COL13A1: variants seen among roughly 807,000 people sequenced by gnomAD.
COL13A1 encodes the protein collagen alpha-1(XIII) chain.
Under a neutral mutation model 130.9 loss-of-function variants are expected in COL13A1, and 89 were observed. The ratio of observed to expected loss-of-function variants is 0.68; its 90% confidence interval spans 0.57 to 0.81. COL13A1 has a LOEUF of 0.81. Ranked by LOEUF, COL13A1 falls within the 30% of genes least tolerant of loss-of-function variation. The probability of loss-of-function intolerance (pLI) is 0.00; values close to 1 mark genes in which losing one functional copy is unlikely to be tolerated. For missense variants in COL13A1, 879 were observed against 934.6 expected, an observed-to-expected ratio of 0.94 and a Z score of 0.78; for synonymous variants, 402 against 341.6, an observed-to-expected ratio of 1.18 and a Z score of -1.95.
chr10:69,866,802 G>T lies in COL13A1; in HGVS notation c.365-996G>T, dbSNP rs372421095. Among the ~76,000 whole-genome samples the T allele has an allele frequency of 1.7e-4, 26 of 152,254 alleles. No individual in the cohort carries two copies. The East Asian group carries it at 4.1e-3, about 24-fold the overall frequency. On this transcript the variant is annotated intron_variant, in intron 2 of 40. Transcript: ENST00000645393. ...AGATAAAGGAGGAGAGAAGGAAGCC[G>T]GCTCTGGGAATGGGAGGAGCACGGG...
chr10:69,937,002 G>A (rs760109904), intron 33 of COL13A1, among the ~76,000 whole-genome samples: 2 of 152,208 alleles, frequency 1.3e-5, no homozygotes, highest in Non-Finnish European at 2.9e-5. Flanking sequence ...ACCCCACAAA[G>A]GGACAGGTTA....
At chr10:69,852,698 G>A (rs1385996426) in intron 2 of COL13A1, among the ~76,000 whole-genome samples, 2 of 152,240 alleles carry the variant, frequency 1.3e-5, no homozygotes, top group African/African-American at 4.8e-5. Flanking sequence ...TGGGCTGGGG[G>A]CAAGTACAAG....
intron 20 of COL13A1, 37 bp from the exon 21 acceptor site, chr10:69,919,627 CA>C: frequency 2.5e-6 from 1 of 398,818 alleles, no homozygotes; most frequent in Non-Finnish European, 4.4e-6. Flanking sequence ...CTGCCTGCCC[CA>C]TCTTCTTATC....
chr10:69,933,924 T>C (rs921694292), intron 31 of COL13A1, among the ~76,000 whole-genome samples: 2 of 152,150 alleles, frequency 1.3e-5, no homozygotes, highest in African/African-American at 4.8e-5. Flanking sequence ...CACAGCACCG[T>C]TACCAGGAAG....
intron 1 of COL13A1, among the ~76,000 whole-genome samples, chr10:69,821,607 A>C (rs913558426): frequency 6.6e-6 from 1 of 152,220 alleles, no homozygotes; most frequent in Non-Finnish European, 1.5e-5. Context: ...GGCTCTAGAA[A>C]TATCCCTGTT....
intron 1 of COL13A1, among the ~76,000 whole-genome samples, chr10:69,818,744 T>C (rs993710272): frequency 6.6e-6 from 1 of 152,188 alleles, no homozygotes; most frequent in Non-Finnish European, 1.5e-5. Context: ...ATGGTCCAGC[T>C]CAAGCAGAGA....
chr10:69,930,097 G>A lies in COL13A1; in HGVS notation c.1530+10G>A, dbSNP rs564740434. ...ACACGATGGGGAAAAGGTATGAACA[G>A]ACGTCCTCTGGTCAAACCTCTGAAG... On this transcript the variant is annotated intron_variant, in intron 29 of 40. Coordinates refer to ENST00000645393, the MANE Select transcript of COL13A1 (RefSeq NM_001368882.1). 1.2e-6 allele frequency: 2 copies of A among 1,613,740 alleles called. No homozygotes were observed. Among genetic ancestry groups the A allele is most frequent in the East Asian group, 4.5e-5 (2 of 44,864 alleles).
chr10:69,817,665 G>C (rs919348858), intron 1 of COL13A1, among the ~76,000 whole-genome samples: 2 of 152,088 alleles, frequency 1.3e-5, no homozygotes, highest in African/African-American at 2.4e-5. Flanking sequence ...AGTGAACAGG[G>C]CGGGTGTCAA....
In COL13A1 at chr10:69,952,883, G is replaced by A. The variant is rs768782839; in HGVS notation, c.2060G>A (p.Gly687Glu). ...CTCGGACTAAACCATTATTTACAGG[G>A]GGAGAGGGGGAAGAAAGGCTCTAGA... The part of the protein sequence containing the change: ...HGPPGDKGNR[G>E]ERGKKGSRGP... Residue 687 changes from glycine to glutamate, a missense_variant and splice_region_variant, in exon 39 of 41, where the codon GGG becomes GAG. Gly to Glu is a moderately conservative substitution (Grantham distance 98, BLOSUM62 -2). Coordinates refer to ENST00000645393, the MANE Select transcript of COL13A1 (RefSeq NM_001368882.1). 1.3e-6 allele frequency: 2 copies of A among 1,550,300 alleles called. No individual in the cohort carries two copies. The highest frequency in any genetic ancestry group is 2.5e-5 in the East Asian group (1 of 40,454).
At chr10:69,903,016 A>G (rs1245454716) in intron 15 of COL13A1, among the ~76,000 whole-genome samples, 161 bp downstream of exon 15, 3 of 152,094 alleles carry the variant, frequency 2.0e-5, no homozygotes, top group African/African-American at 7.2e-5. Context: ...TCCCCATCAC[A>G]CTCACCACCT....
chr10:69,899,869 G>A (rs1038078123), intron 14 of COL13A1, among the ~76,000 whole-genome samples: 6 of 152,234 alleles, frequency 3.9e-5, no homozygotes, highest in Admixed American at 3.3e-4. Flanking sequence ...AAGCCTGACC[G>A]CAGAGCCTCA....
At chr10:69,882,927 G>A (rs1358727546) in intron 7 of COL13A1, among the ~76,000 whole-genome samples, 1 of 152,172 alleles carries the variant, frequency 6.6e-6, no homozygotes, top group Admixed American at 6.5e-5. Flanking sequence ...AGCAGGGACG[G>A]GGGAAGACAA....
chr10:69,920,942 T>C (rs1317443975), intron 21 of COL13A1, among the ~76,000 whole-genome samples: 1 of 152,190 alleles, frequency 6.6e-6, no homozygotes, highest in Non-Finnish European at 1.5e-5. Flanking sequence ...TCAGCATCTC[T>C]AAGGGGCTCT....
At chr10:69,842,253 T>G (rs545043700) in intron 2 of COL13A1, among the ~76,000 whole-genome samples, 44 of 152,332 alleles carry the variant, frequency 2.9e-4, no homozygotes, top group African/African-American at 1.1e-3. Context: ...CATTTCTCTC[T>G]CGCCTGCCGC....
chr10:69,875,392 A>G (rs528879320), intron 5 of COL13A1, among the ~76,000 whole-genome samples: 6 of 152,332 alleles, frequency 3.9e-5, no homozygotes, highest in African/African-American at 1.4e-4. Flanking sequence ...GAGAGCTGCC[A>G]CAGCAAAGGA....
chr10:69,869,376 G>A (rs1337569475), intron 3 of COL13A1, among the ~76,000 whole-genome samples: 1 of 152,196 alleles, frequency 6.6e-6, no homozygotes, highest in Non-Finnish European at 1.5e-5. Flanking sequence ...GAGGAAATGG[G>A]AAGCTGGCCA....
At chr10:69,882,254 T>G (rs1287835252) in intron 7 of COL13A1, among the ~76,000 whole-genome samples, 1 of 152,216 alleles carries the variant, frequency 6.6e-6, no homozygotes, top group Non-Finnish European at 1.5e-5. Context: ...GTCTGGCTAC[T>G]GATGTTCTAT....
At position 69,894,557 on chromosome 10, in the gene COL13A1, G is replaced by C; in HGVS notation, c.609G>C (p.Leu203=). The part of the protein sequence containing the change: ...GHPGPKGDMG[L]TGPPGQPGPQ... ...TGTGTGTTTGCTTCCCACAGGGTCT[G>C]ACGGGTCCCCCAGGACAGCCGGTTG... The change falls in exon 11 of 41, where the codon CTG becomes CTC. Residue 203 remains leucine (L), a synonymous_variant. Coordinates refer to ENST00000645393, the MANE Select transcript of COL13A1 (RefSeq NM_001368882.1). 6.2e-7 allele frequency: 1 copy of C among 1,613,984 alleles called. No homozygotes were observed. The highest frequency in any genetic ancestry group is 8.5e-7 in the Non-Finnish European group (1 of 1,179,896).
rs1458024712 is a variant in COL13A1 at position 69,951,129 on chromosome 10, A to C, written c.2059-1753A>C. Among the ~76,000 whole-genome samples the C allele has an allele frequency of 1.2e-4, 18 of 152,176 alleles. No homozygotes were observed. In the South Asian group the frequency reaches 2.1e-3, roughly 18 times the overall value. ...CTCCCAAAGTGCTGGGATTACAGAC[A>C]TGAGCCACTGTGCCCAGCCAAAAAT... On this transcript the variant is annotated intron_variant, in intron 38 of 40. Coordinates refer to ENST00000645393, the MANE Select transcript of COL13A1 (RefSeq NM_001368882.1).
Sources: allele counts gnomAD v4.1 joint callset (sites outside exome capture counted in the v4.1 genomes callset), GRCh38; gene constraint gnomAD v4.1.1; transcripts MANE v1.5; gene names NCBI Gene and HGNC (gene_info 2026-07-23, HGNC 2026-07-21).